The following NCEH1 variants were observed in gnomAD, a reference collection of about 807,000 sequenced individuals.
NCEH1 encodes 2-acetyl MAGE hydrolase.
A neutral mutation model predicts 25.4 loss-of-function variants in NCEH1; 9 were observed. The ratio of observed to expected loss-of-function variants is 0.35; its 90% CI spans 0.21 to 0.62. The LOEUF (loss-of-function observed/expected upper bound fraction) is 0.62. Among genes scored for constraint, NCEH1 ranks in the 20% least tolerant of loss-of-function variants. The probability of loss-of-function intolerance (pLI) is 0.72; values close to 1 mark genes in which losing one functional copy is unlikely to be tolerated. For synonymous variants in NCEH1, 200 were observed against 199.8 expected (o/e 1.00, Z -0.01); for missense variants, 412 against 501.1 (o/e 0.82, Z 1.70).
At chr3:172,688,344 A>AAAG (rs1343942658) in intron 1 of NCEH1, among the ~76,000 whole-genome samples, 11 of 151,214 alleles carry the variant, frequency 7.3e-5, no homozygotes, top group Non-Finnish European at 1.3e-4. Context: ...AAAAAAAAAA[A>AAAG]AAAAAAAAGA....
intron 1 of NCEH1, among the ~76,000 whole-genome samples, chr3:172,681,985 C>T (rs556043944): frequency 4.3e-4 from 65 of 152,200 alleles, no homozygotes; most frequent in African/African-American, 1.5e-3. Flanking sequence ...AAACATATTC[C>T]CACTGCTTAA....
At chr3:172,679,268 T>G (rs1712206174) in intron 1 of NCEH1, among the ~76,000 whole-genome samples, 2 of 152,224 alleles carry the variant, frequency 1.3e-5, no homozygotes, top group Non-Finnish European at 1.5e-5. Flanking sequence ...CAGGCTAAAT[T>G]GTCGGCTCTA....
At chr3:172,709,782 T>C (rs1714199444) in intron 1 of NCEH1, among the ~76,000 whole-genome samples, 1 of 152,096 alleles carries the variant, frequency 6.6e-6, no homozygotes, top group Non-Finnish European at 1.5e-5. Context: ...GTTGAAATGA[T>C]TTTTTTTCTC....
At chr3:172,679,094 C>G (rs1362751901) in intron 1 of NCEH1, among the ~76,000 whole-genome samples, 1 of 152,056 alleles carries the variant, frequency 6.6e-6, no homozygotes, top group Non-Finnish European at 1.5e-5. Flanking sequence ...CAACTTAGAA[C>G]TTTTAAAAAG....
At chr3:172,707,710 C>T (rs991718335) in intron 1 of NCEH1, among the ~76,000 whole-genome samples, 4 of 152,252 alleles carry the variant, frequency 2.6e-5, no homozygotes, top group Non-Finnish European at 4.4e-5. Flanking sequence ...CTCAGCCTCC[C>T]GAGTAGCCGG....
At position 172,694,794 on chromosome 3, in the gene NCEH1, T is replaced by G. The variant is rs563618358; in HGVS notation, c.138+16053A>C. Among the ~76,000 whole-genome samples, 7 of 152,354 alleles carry G rather than the reference T, an allele frequency of 4.6e-5. No individual in the cohort carries two copies. The East Asian group carries it at 1.3e-3, about 29-fold the overall frequency. On this transcript the variant is annotated intron_variant, in intron 1 of 4. Transcript: ENST00000475381. The stretch of plus-strand genomic sequence containing the variant: ...CATTTTTTCTTGTTTTCCCAACTTC[T>G]GCTTCCTCTGAGGCTCCACCTCTTC...
chr3:172,676,479 G>A lies in NCEH1; in HGVS notation c.139-28365C>T, dbSNP rs1442607969. On this transcript the variant is annotated intron_variant, in intron 1 of 4. Coordinates refer to ENST00000475381, the MANE Select transcript of NCEH1 (RefSeq NM_020792.6). Reference sequence around the variant, plus strand: ...GGGAAATTTCGCCAGGTTTTTCACAGGCAATGTAAATAACATACCTGGTCA... The same window carrying A: ...GGGAAATTTCGCCAGGTTTTTCACAAGCAATGTAAATAACATACCTGGTCA... Among the ~76,000 whole-genome samples, 38 of 152,140 alleles carry A rather than the reference G, an allele frequency of 2.5e-4. 1 individual carries two copies. Among genetic ancestry groups the A allele is most frequent in the Admixed American group, 2.5e-3 (38 of 15,260 alleles).
At chr3:172,682,821 A>T (rs1336718138) in intron 1 of NCEH1, among the ~76,000 whole-genome samples, 3 of 152,198 alleles carry the variant, frequency 2.0e-5, no homozygotes, top group African/African-American at 7.2e-5. Context: ...AAATTCTCTA[A>T]AGCAGGTGCA....
intron 1 of NCEH1, among the ~76,000 whole-genome samples, chr3:172,675,317 A>AT (rs879697512): frequency 0.031 from 4,706 of 150,412 alleles, 97 homozygotes; most frequent in African/African-American, 0.05. Flanking sequence ...AAATAAATAA[A>AT]TAAATAAATA....
At chr3:172,661,130 C>T (rs1372187059) in intron 1 of NCEH1, among the ~76,000 whole-genome samples, 2 of 152,162 alleles carry the variant, frequency 1.3e-5, no homozygotes, top group Non-Finnish European at 2.9e-5. Context: ...GTCTTTAATA[C>T]ATCTTGAATT....
chr3:172,671,632 G>A (rs1711632973), intron 1 of NCEH1, among the ~76,000 whole-genome samples: 1 of 148,654 alleles, frequency 6.7e-6, no homozygotes, highest in South Asian at 2.1e-4. Flanking sequence ...GTGTATAAAT[G>A]TAGCATGTAT....
At chr3:172,678,770 G>C (rs79930709) in intron 1 of NCEH1, among the ~76,000 whole-genome samples, 3,816 of 152,214 alleles carry the variant, frequency 0.025, 256 homozygotes, top group East Asian at 0.22. Context: ...TTGTGTAGTG[G>C]TGAAGTCTGT....
chr3:172,711,046 C>T lies in NCEH1; in HGVS notation c.-62G>A, dbSNP rs1238242590. On this transcript the variant is annotated 5_prime_UTR_variant, in exon 1 of 5. Coordinates refer to ENST00000475381, the MANE Select transcript of NCEH1 (RefSeq NM_020792.6). The stretch of plus-strand genomic sequence containing the variant: ...AGGAAAGGGCGATACCACCCGGAGA[C>T]CTCCGGCAACTTTCTGCCCGCGGCA... 6 of 1,610,214 alleles carry T rather than the reference C, an allele frequency of 3.7e-6. No individual in the cohort carries two copies. In the Admixed American group the frequency reaches 6.7e-5, roughly 18 times the overall value.
At chr3:172,706,650 C>G (rs1306964628) in intron 1 of NCEH1, among the ~76,000 whole-genome samples, 2 of 151,934 alleles carry the variant, frequency 1.3e-5, no homozygotes, top group Non-Finnish European at 2.9e-5. Context: ...AGGCGCGCAC[C>G]ACTGCACCCG....
At chr3:172,687,271 T>C (rs1712751403) in intron 1 of NCEH1, among the ~76,000 whole-genome samples, 2 of 152,184 alleles carry the variant, frequency 1.3e-5, no homozygotes, top group Non-Finnish European at 2.9e-5. Flanking sequence ...TCTGAACCTT[T>C]GTAATACCAT....
At position 172,711,026 on chromosome 3, in the gene NCEH1, A is replaced by T; in HGVS notation, c.-42T>A. 1 of 1,613,504 alleles carries T rather than the reference A, an allele frequency of 6.2e-7. No homozygotes were observed. On this transcript the variant is annotated 5_prime_UTR_variant, in exon 1 of 5. Transcript: ENST00000475381. ...TCGCCAGCGGGCTGGCAAAGAGGAA[A>T]GGGCGATACCACCCGGAGACCTCCG... is the stretch of plus-strand genomic sequence containing the variant.
intron 1 of NCEH1, among the ~76,000 whole-genome samples, chr3:172,709,408 G>A (rs370921593): frequency 3.9e-5 from 6 of 152,148 alleles, no homozygotes; most frequent in East Asian, 1.9e-4. Flanking sequence ...TAATTTCATG[G>A]GGGAGGAGAG....
At chr3:172,648,619 T>C (rs187546465) in intron 1 of NCEH1, among the ~76,000 whole-genome samples, 1 of 152,308 alleles carries the variant, frequency 6.6e-6, no homozygotes, top group African/African-American at 2.4e-5. Context: ...GCTTTGTAAC[T>C]TCAATATATT....
intron 1 of NCEH1, among the ~76,000 whole-genome samples, chr3:172,651,858 C>T (rs983609099): frequency 3.6e-4 from 55 of 152,066 alleles, no homozygotes; most frequent in African/African-American, 1.3e-3. Context: ...CGCGCCCGGC[C>T]GAGAATCTTT....
Sources: gnomAD v4.1 joint callset for allele counts (sites outside exome capture counted in the v4.1 genomes callset) on GRCh38, gnomAD v4.1.1 for gene constraint, MANE v1.5 for transcripts, NCBI Gene and HGNC (gene_info 2026-07-23, HGNC 2026-07-21) for gene names.